MAPK8: variants seen among roughly 807,000 people sequenced by gnomAD.
MAPK8 encodes mitogen-activated protein kinase 8.
Under a neutral mutation model 52.9 loss-of-function variants are expected in MAPK8, and 13 were observed. The observed-to-expected ratio is 0.25, with a 90% CI of 0.16 to 0.39. The LOEUF is 0.39. MAPK8 is among the 10% of genes least tolerant of loss of function. MAPK8 has a pLI of 1.00. For synonymous variants in MAPK8, 191 were observed against 169.8 expected, an observed-to-expected ratio of 1.12 and a Z score of -0.97; for missense variants, 300 against 519.2, an observed-to-expected ratio of 0.58 and a Z score of 4.10.
At chr10:48,387,543 C>T (rs2041388376) in intron 1 of MAPK8, among the ~76,000 whole-genome samples, 1 of 151,926 alleles carries the variant, frequency 6.6e-6, no homozygotes, top group African/African-American at 2.4e-5. Context: ...TCCTGGAAGC[C>T]TCATTTTTAA....
intron 2 of MAPK8, among the ~76,000 whole-genome samples, chr10:48,402,266 T>C (rs907592588): frequency 6.6e-6 from 1 of 152,192 alleles, no homozygotes; most frequent in Non-Finnish European, 1.5e-5. Context: ...AAGACAAATA[T>C]CTCTATCAGC....
intron 11 of MAPK8, among the ~76,000 whole-genome samples, chr10:48,432,994 AAAGGAATTTT>A (rs1202527222): frequency 6.6e-6 from 1 of 152,198 alleles, no homozygotes; most frequent in East Asian, 1.9e-4. Flanking sequence ...TTGATTTTTA[AAAGGAATTTT>A]ATTCTTTTTC....
chr10:48,366,484 T>C (rs1193027602), intron 1 of MAPK8, among the ~76,000 whole-genome samples: 1 of 152,174 alleles, frequency 6.6e-6, no homozygotes, highest in East Asian at 1.9e-4. Context: ...TAACCTGGGA[T>C]TGGCTGAGAC....
At chr10:48,393,968 A>G (rs1265496741) in intron 1 of MAPK8, among the ~76,000 whole-genome samples, 3 of 151,900 alleles carry the variant, frequency 2.0e-5, no homozygotes, top group South Asian at 4.1e-4. Flanking sequence ...CACAAATGAG[A>G]TTAATAGGAA....
At chr10:48,313,495 G>A (rs1289814077) in intron 1 of MAPK8, among the ~76,000 whole-genome samples, 1 of 152,130 alleles carries the variant, frequency 6.6e-6, no homozygotes, top group Non-Finnish European at 1.5e-5. Flanking sequence ...TTTTATAAAA[G>A]CATAACAAAT....
At chr10:48,321,484 T>C (rs1220239210) in intron 1 of MAPK8, among the ~76,000 whole-genome samples, 2 of 152,246 alleles carry the variant, frequency 1.3e-5, no homozygotes, top group African/African-American at 4.8e-5. Flanking sequence ...ACTTTCTTGA[T>C]GGCATCATTT....
In MAPK8 at chr10:48,435,473, T is replaced by G. The variant is rs1279487436; in HGVS notation, c.*444T>G. 2 of 153,112 alleles carry G rather than the reference T, an allele frequency of 1.3e-5. No individual in the cohort carries two copies. Among genetic ancestry groups the G allele is most frequent in the African/African-American group, 4.8e-5 (2 of 41,474 alleles). 9.5% of individuals were successfully genotyped at this position (153,112 alleles called of 1,614,324 possible). On this transcript the variant is annotated 3_prime_UTR_variant, in exon 12 of 12. Transcript: ENST00000374189. Reference sequence around the variant, plus strand: ...GATGTTTTGTTCATGATACTATCCTTCAGGGTTATGTGCTTATCAATGAAA... The same window carrying G: ...GATGTTTTGTTCATGATACTATCCTGCAGGGTTATGTGCTTATCAATGAAA...
intron 1 of MAPK8, among the ~76,000 whole-genome samples, chr10:48,384,004 C>T (rs1009792764): frequency 6.6e-6 from 1 of 152,062 alleles, no homozygotes; most frequent in Non-Finnish European, 1.5e-5. Context: ...TGCCTGCAAT[C>T]CCAGCACTTT....
intron 1 of MAPK8, among the ~76,000 whole-genome samples, chr10:48,371,822 C>T (rs560385807): frequency 1.2e-4 from 18 of 152,198 alleles, no homozygotes; most frequent in South Asian, 6.2e-4. Flanking sequence ...TCCCATGATC[C>T]GCTCCTTGGG....
chr10:48,312,193 G>A (rs1456703985), intron 1 of MAPK8, among the ~76,000 whole-genome samples: 1 of 152,126 alleles, frequency 6.6e-6, no homozygotes, highest in African/African-American at 2.4e-5. Context: ...TTGAGAGTGT[G>A]GTGCACATTA....
intron 1 of MAPK8, among the ~76,000 whole-genome samples, chr10:48,365,976 A>G (rs975139648): frequency 2.0e-5 from 3 of 152,166 alleles, no homozygotes; most frequent in Admixed American, 6.5e-5. Flanking sequence ...GTTACATGCC[A>G]TAGTTTGCGG....
chr10:48,345,392 T>A (rs1186943089), intron 1 of MAPK8, among the ~76,000 whole-genome samples: 1 of 152,224 alleles, frequency 6.6e-6, no homozygotes, highest in Non-Finnish European at 1.5e-5. Flanking sequence ...AAGTGAATCC[T>A]AAGTATTTTG....
chr10:48,397,321 T>C (rs2041937466), intron 1 of MAPK8, among the ~76,000 whole-genome samples: 1 of 151,548 alleles, frequency 6.6e-6, no homozygotes, highest in Non-Finnish European at 1.5e-5. Context: ...CAGATTTTTT[T>C]TTTCTTTCAT....
intron 5 of MAPK8, 80 bp downstream of exon 5, chr10:48,410,248 G>A: frequency 6.1e-6 from 8 of 1,315,880 alleles, no homozygotes; most frequent in Non-Finnish European, 7.0e-6. Context: ...CCATTCTAAA[G>A]TGGCATTTTT....
At chr10:48,355,620 T>G (rs1846833546) in intron 1 of MAPK8, among the ~76,000 whole-genome samples, 1 of 152,082 alleles carries the variant, frequency 6.6e-6, no homozygotes. Flanking sequence ...GAGAAACAGT[T>G]GAAAAGTACG....
At chr10:48,383,878 AC>A (rs2041157687) in intron 1 of MAPK8, among the ~76,000 whole-genome samples, 2 of 152,222 alleles carry the variant, frequency 1.3e-5, no homozygotes, top group South Asian at 4.2e-4. Context: ...ATGACACTTA[AC>A]ATGAAATATG....
At chr10:48,426,792 C>A in intron 9 of MAPK8, 1 of 477,574 alleles carries the variant, frequency 2.1e-6, no homozygotes, top group Non-Finnish European at 3.7e-6. Flanking sequence ...AGGTATAAAA[C>A]AAATTACTGT....
At chr10:48,348,975 C>T (rs1490273146) in intron 1 of MAPK8, among the ~76,000 whole-genome samples, 1 of 148,928 alleles carries the variant, frequency 6.7e-6, no homozygotes, top group Admixed American at 6.7e-5. Context: ...GCAGGGGTTG[C>T]GATTCTAGTC....
At chr10:48,380,956 A>G (rs1374297585) in intron 1 of MAPK8, among the ~76,000 whole-genome samples, 1 of 152,136 alleles carries the variant, frequency 6.6e-6, no homozygotes, top group East Asian at 1.9e-4. Flanking sequence ...GACTCCATCA[A>G]AGACTCACTT....
Sources: gnomAD v4.1 joint callset for allele counts (sites outside exome capture counted in the v4.1 genomes callset) on GRCh38, gnomAD v4.1.1 for gene constraint, MANE v1.5 for transcripts, NCBI Gene and HGNC (gene_info 2026-07-23, HGNC 2026-07-21) for gene names.